Variants in USP5 observed in about 807,000 individuals in gnomAD.
USP5 encodes ubiquitin carboxyl-terminal hydrolase 5.
USP5 carries 24 observed loss-of-function variants against 102.5 expected under a neutral mutation model. The observed-to-expected ratio is 0.23, with a 90% CI of 0.17 to 0.33. USP5 has a LOEUF of 0.33. Among genes scored for constraint, USP5 ranks in the 10% least tolerant of loss-of-function variants. The probability of loss-of-function intolerance (pLI) is 1.00; values close to 1 mark genes in which losing one functional copy is unlikely to be tolerated. For synonymous variants in USP5, 460 were observed against 434.8 expected, an observed-to-expected ratio of 1.06 and a Z score of -0.72; for missense variants, 753 against 1,122.1, an observed-to-expected ratio of 0.67 and a Z score of 4.70.
chr12:6,863,044 C>T lies in USP5; in HGVS notation c.1763-142C>T. The T allele has an allele frequency of 4.0e-6, 3 of 757,132 alleles. No homozygotes were observed. The highest frequency in any genetic ancestry group is 6.2e-6 in the Non-Finnish European group (3 of 486,178). 46.9% of individuals were successfully genotyped at this position (757,132 alleles called of 1,614,324 possible). On this transcript the variant is annotated intron_variant, in intron 14 of 19. Transcript: ENST00000229268. The surrounding 1 kb of genome is among the most constrained non-coding windows in gnomAD (Gnocchi z 4.7). ...CAGGCTTAGTATTATTTGTCTTATACTGGGACCCCTAAGATGGGTGCCGTG... is the reference window on the plus strand; with the variant it reads ...CAGGCTTAGTATTATTTGTCTTATATTGGGACCCCTAAGATGGGTGCCGTG...
Position 6,860,103 on chromosome 12 carries a change from G to T in USP5, c.1131-48G>T. ...CAGGGGGTTGAGCTGGGGACACACA[G>T]GGTCGTTAGTTGACTGAAGTGAAAT... is the stretch of plus-strand genomic sequence containing the variant. On this transcript the variant is annotated intron_variant, in intron 9 of 19. Coordinates refer to ENST00000229268, the MANE Select transcript of USP5 (RefSeq NM_001098536.2). The surrounding 1 kb of genome is among the most constrained non-coding windows in gnomAD (Gnocchi z 5.5). 1 of 1,596,306 alleles carries T rather than the reference G, an allele frequency of 6.3e-7. No individual in the cohort carries two copies. The highest frequency in any genetic ancestry group is 1.1e-5 in the South Asian group (1 of 88,576).
At position 6,861,411 on chromosome 12, in the gene USP5, C is replaced by T. The variant is rs782660838; in HGVS notation, c.1499-32C>T. ...TAAGGAGGCAAAGAAGCAGCACCCT[C>T]CGAAGGATCCACCAACCCATTCTGT... On this transcript the variant is annotated intron_variant, in intron 12 of 19. Coordinates refer to ENST00000229268, the MANE Select transcript of USP5 (RefSeq NM_001098536.2). This position sits in a 1 kb window ranked among gnomAD's most constrained non-coding sequence, Gnocchi z 4.9. 15 of 1,538,128 alleles carry T rather than the reference C, an allele frequency of 9.8e-6. No homozygotes were observed. In the Admixed American group the frequency reaches 1.9e-4, roughly 20 times the overall value.
In USP5 at chr12:6,864,225, G is replaced by T. The variant is rs1555130247; in HGVS notation, c.2244+30G>T. 1.3e-6 allele frequency: 2 copies of T among 1,560,406 alleles called. No homozygotes were observed. Among genetic ancestry groups the T allele is most frequent in the East Asian group, 4.5e-5 (2 of 44,086 alleles). On this transcript the variant is annotated intron_variant, in intron 17 of 19. Coordinates refer to ENST00000229268, the MANE Select transcript of USP5 (RefSeq NM_001098536.2). The surrounding 1 kb of genome is among the most constrained non-coding windows in gnomAD (Gnocchi z 4.8). ...GGGCTGCCCCAGCTAAGGACATGGG[G>T]CCAGTGGGGAAGAAGGGGGTGGGAA...
chr12:6,854,486 G>A (rs1416374383), intron 1 of USP5, among the ~76,000 whole-genome samples: 6 of 151,868 alleles, frequency 4.0e-5, no homozygotes, highest in African/African-American at 1.5e-4. Flanking sequence ...TGGATGTTTA[G>A]TCTCACCGCT....
At chr12:6,852,596 C>T (rs1287453369) in intron 1 of USP5, among the ~76,000 whole-genome samples, 1 of 152,282 alleles carries the variant, frequency 6.6e-6, no homozygotes, top group Non-Finnish European at 1.5e-5. Context: ...ACTACATCCC[C>T]CAAGTGGACC....
chr12:6,859,759 T>A (rs1339265937), intron 9 of USP5, among the ~76,000 whole-genome samples: 1 of 152,158 alleles, frequency 6.6e-6, no homozygotes, highest in Non-Finnish European at 1.5e-5. Context: ...TTCAAGTGAT[T>A]CTCCTGCCTC....
intron 6 of USP5, chr12:6,857,361 T>C (rs782365792): frequency 2.3e-6 from 1 of 429,780 alleles, no homozygotes; most frequent in Admixed American, 4.0e-5. Context: ...ATCCCTTTCC[T>C]ACCAAGCCTG....
chr12:6,853,061 C>T (rs1943987727), intron 1 of USP5, among the ~76,000 whole-genome samples: 1 of 152,268 alleles, frequency 6.6e-6, no homozygotes, highest in East Asian at 1.9e-4. Flanking sequence ...CCTCCCACAC[C>T]ATGCTTCACG....
At chr12:6,865,677 CAGAG>C (rs1414186490) in intron 19 of USP5, among the ~76,000 whole-genome samples, 1 of 152,156 alleles carries the variant, frequency 6.6e-6, no homozygotes, top group Non-Finnish European at 1.5e-5. Context: ...TGTCAGAGAC[CAGAG>C]AGAGAGCCTG....
rs782732438 is a variant in USP5 at position 6,855,575 on chromosome 12, T to G, written c.237+49T>G. On this transcript the variant is annotated intron_variant, in intron 2 of 19. Transcript: ENST00000229268. This position sits in a 1 kb window ranked among gnomAD's most constrained non-coding sequence, Gnocchi z 4.6. ...CCTGGGTACATTGTCTGTTCCATTC[T>G]GACCTCCTATTGGACTCAGTTTCTT... 1.2e-6 allele frequency: 2 copies of G among 1,605,432 alleles called. No individual in the cohort carries two copies. The highest frequency in any genetic ancestry group is 3.4e-5 in the Admixed American group (2 of 58,260).
rs1028867827 is a variant in USP5, at chr12:6,861,865, G to T, written c.1673+248G>T. Reference sequence around the variant, plus strand: ...CTGTGGCACAGGGTCTCTTTGTAGTGTAGCCTCTCTTCATTGCCCCTCAGT... The same window carrying T: ...CTGTGGCACAGGGTCTCTTTGTAGTTTAGCCTCTCTTCATTGCCCCTCAGT... On this transcript the variant is annotated intron_variant, in intron 13 of 19. Coordinates refer to ENST00000229268, the MANE Select transcript of USP5 (RefSeq NM_001098536.2). The surrounding 1 kb of genome is among the most constrained non-coding windows in gnomAD (Gnocchi z 4.9). Among the ~76,000 whole-genome samples, 5 of 152,214 alleles carry T rather than the reference G, an allele frequency of 3.3e-5. No homozygotes were observed. The highest frequency in any genetic ancestry group is 6.5e-5 in the Admixed American group (1 of 15,276).
intron 19 of USP5, among the ~76,000 whole-genome samples, 157 bp from the exon 20 acceptor site, chr12:6,865,827 G>A (rs782224740): frequency 6.6e-6 from 1 of 152,342 alleles, no homozygotes; most frequent in East Asian, 1.9e-4. Context: ...TTGTGAGGTT[G>A]TGAAGCTCCC....
In USP5 at chr12:6,856,433, T is replaced by A. The variant is rs201535039; in HGVS notation, c.567T>A (p.Pro189=). Residue 189 remains proline (P), a synonymous_variant, in exon 5 of 20, where the codon CCT becomes CCA. Coordinates refer to ENST00000229268, the MANE Select transcript of USP5 (RefSeq NM_001098536.2). The surrounding 1 kb of genome is among the most constrained non-coding windows in gnomAD (Gnocchi z 5.6). ...HAFSLKQLDN[P]ARIPPCGWKC... is the part of the protein sequence containing the mutation. ...TCAGCCTCAAGCAGTTGGACAACCC[T>A]GCTCGAATCCCTCCCTGGTGAGGCC... 2 of 1,611,990 alleles carry A rather than the reference T, an allele frequency of 1.2e-6. No homozygotes were observed. The highest frequency in any genetic ancestry group is 1.7e-6 in the Non-Finnish European group (2 of 1,178,840).
At chr12:6,865,374 G>C in intron 19 of USP5, 126 bp downstream of exon 19, 2 of 828,578 alleles carry the variant, frequency 2.4e-6, no homozygotes, top group Non-Finnish European at 3.8e-6. Context: ...TAAAGTGCCA[G>C]AGAGTGACAG....
At position 6,855,686 on chromosome 12, in the gene USP5, C is replaced by T. The variant is rs1287598819; in HGVS notation, c.238-69C>T. 8.1e-6 allele frequency: 13 copies of T among 1,604,756 alleles called. No homozygotes were observed. The highest frequency in any genetic ancestry group is 5.0e-5 in the Admixed American group (3 of 59,584). On this transcript the variant is annotated intron_variant, in intron 2 of 19. Coordinates refer to ENST00000229268, the MANE Select transcript of USP5 (RefSeq NM_001098536.2). The surrounding 1 kb of genome is among the most constrained non-coding windows in gnomAD (Gnocchi z 4.6). ...TCTGAGATGAAGCACTACCTCCTTCCGTCCCTCCTCCCGACTTGTTCCTTC... is the reference window on the plus strand; with the variant it reads ...TCTGAGATGAAGCACTACCTCCTTCTGTCCCTCCTCCCGACTTGTTCCTTC...
chr12:6,861,332 G>A lies in USP5; in HGVS notation c.1499-111G>A. On this transcript the variant is annotated intron_variant, in intron 12 of 19. Transcript: ENST00000229268. The surrounding 1 kb of genome is among the most constrained non-coding windows in gnomAD (Gnocchi z 4.9). ...GATATATTGGACATGTGTCAGGGGTGCTTTGGAAGGGTAGAGGAACTGAAA... is the reference window on the plus strand; with the variant it reads ...GATATATTGGACATGTGTCAGGGGTACTTTGGAAGGGTAGAGGAACTGAAA... The A allele has an allele frequency of 2.9e-6, 4 of 1,364,126 alleles. No individual in the cohort carries two copies. Among genetic ancestry groups the A allele is most frequent in the Non-Finnish European group, 4.0e-6 (4 of 1,002,962 alleles). The allele number at this position is 1,364,126 out of a possible 1,614,324, so 84.5% of individuals were successfully genotyped here. A position where few individuals can be genotyped will look rare whatever the true frequency, so the allele number is the denominator to read the frequency against.
Position 6,863,465 on chromosome 12 carries a change from C to T in USP5, c.1954+88C>T, listed in dbSNP as rs1787114853. On this transcript the variant is annotated intron_variant, in intron 15 of 19. Coordinates refer to ENST00000229268, the MANE Select transcript of USP5 (RefSeq NM_001098536.2). This position sits in a 1 kb window ranked among gnomAD's most constrained non-coding sequence, Gnocchi z 4.7. ...TCCCCTGCCCCTGTCCTTTGTGTTT[C>T]TCCTGTCCTCCCTTTCAAATTTCCT... 2 of 1,440,292 alleles carry T rather than the reference C, an allele frequency of 1.4e-6. No individual in the cohort carries two copies. The highest frequency in any genetic ancestry group is 1.4e-5 in the African/African-American group (1 of 70,470). The allele number at this position is 1,440,292 out of a possible 1,614,324, so 89.2% of individuals were successfully genotyped here.
chr12:6,865,463 A>T (rs1445657349), intron 19 of USP5, among the ~76,000 whole-genome samples: 4 of 152,074 alleles, frequency 2.6e-5, no homozygotes, highest in Non-Finnish European at 5.9e-5. Flanking sequence ...GGATCTCACT[A>T]TGTTGCCCAG....
In USP5 at chr12:6,861,259, G is replaced by A. The variant is rs112562622; in HGVS notation, c.1498+153G>A. Reference sequence around the variant, plus strand: ...CACCAGGAGTAGGTAGATTAACCTCGTCCAGTGGACACTCAGCTTGTTAGC... The same window carrying A: ...CACCAGGAGTAGGTAGATTAACCTCATCCAGTGGACACTCAGCTTGTTAGC... On this transcript the variant is annotated intron_variant, in intron 12 of 19. Coordinates refer to ENST00000229268, the MANE Select transcript of USP5 (RefSeq NM_001098536.2). This position sits in a 1 kb window ranked among gnomAD's most constrained non-coding sequence, Gnocchi z 4.9. Among the ~76,000 whole-genome samples, 468 of 152,370 alleles carry A rather than the reference G, an allele frequency of 3.1e-3. 1 individual carries two copies. The highest frequency in any genetic ancestry group is 8.4e-3 in the African/African-American group (349 of 41,586).
Sources: allele counts gnomAD v4.1 joint callset (sites outside exome capture counted in the v4.1 genomes callset), GRCh38; gene constraint gnomAD v4.1.1; non-coding constraint Gnocchi (gnomAD v3.1); transcripts MANE v1.5; gene names NCBI Gene and HGNC (gene_info 2026-07-23, HGNC 2026-07-21).